CHST8: variants seen among roughly 807,000 people sequenced by gnomAD.
CHST8 encodes GALNAC-4-ST1.
Under a neutral mutation model 15.0 loss-of-function variants are expected in CHST8, and 10 were observed. The observed-to-expected ratio is 0.67, with a 90% CI of 0.41 to 1.13. CHST8 has a LOEUF of 1.13. CHST8 is among the 50% of genes most tolerant of loss of function. The pLI is 0.00. For synonymous variants in CHST8, 259 were observed against 256.6 expected (o/e 1.01, Z -0.09); for missense variants, 634 against 608.2 (o/e 1.04, Z -0.45).
intron 1 of CHST8, among the ~76,000 whole-genome samples, chr19:33,662,012 G>T (rs948323010): frequency 6.6e-6 from 1 of 152,048 alleles, no homozygotes; most frequent in Non-Finnish European, 1.5e-5. Flanking sequence ...CTCCAGCCTG[G>T]ACAACAGAGT....
In CHST8 at chr19:33,650,518, C is replaced by CTT. The variant is rs869057036; in HGVS notation, c.-163-17221_-163-17220dup. Among the ~76,000 whole-genome samples the CTT allele has an allele frequency of 7.2e-4, 26 of 36,106 alleles. 9 individuals carry two copies. The highest frequency in any genetic ancestry group is 3.1e-3 in the African/African-American group (24 of 7,708). The allele number at this position is 36,106 out of a possible 152,430, so 23.7% of individuals were successfully genotyped here. On this transcript the variant is annotated intron_variant, in intron 1 of 4. Coordinates refer to ENST00000650847, the MANE Select transcript of CHST8 (RefSeq NM_001127895.2). ...TTCTTTTTCTTTTTCTTTTTCTTTTCTTTTTTTTTTTTTTTTTTTTTTTTT... is the reference window on the plus strand; with the variant it reads ...TTCTTTTTCTTTTTCTTTTTCTTTTCTTTTTTTTTTTTTTTTTTTTTTTTTTT...
At chr19:33,759,345 T>G (rs1974669888) in intron 3 of CHST8, among the ~76,000 whole-genome samples, 1 of 152,200 alleles carries the variant, frequency 6.6e-6, no homozygotes, top group African/African-American at 2.4e-5. Flanking sequence ...GGCTGCAGAG[T>G]GGTCACCACG....
At chr19:33,634,291 G>A (rs1166436965) in intron 1 of CHST8, among the ~76,000 whole-genome samples, 1 of 152,084 alleles carries the variant, frequency 6.6e-6, no homozygotes, top group African/African-American at 2.4e-5. Flanking sequence ...ATCACACCGT[G>A]GTTTTAATTT....
chr19:33,770,312 G>A (rs11882976), intron 3 of CHST8, among the ~76,000 whole-genome samples: 5,344 of 152,286 alleles, frequency 0.035, 291 homozygotes, highest in African/African-American at 0.12. Flanking sequence ...ATGGTGCCCC[G>A]GCGCGCCAGC....
At chr19:33,730,998 A>T (rs1407827119) in intron 3 of CHST8, among the ~76,000 whole-genome samples, 2 of 152,232 alleles carry the variant, frequency 1.3e-5, no homozygotes, top group African/African-American at 4.8e-5. Context: ...TGCCTGCTTT[A>T]TTCTAGCCGT....
At chr19:33,622,378 G>C (rs1171516270) in intron 1 of CHST8, 82 bp downstream of exon 1, 1 of 152,026 alleles carries the variant, frequency 6.6e-6, no homozygotes, top group Non-Finnish European at 1.5e-5. Context: ...AAGGGGTCCC[G>C]AGCGGGCCCC....
chr19:33,662,278 C>A lies in CHST8; in HGVS notation c.-163-5489C>A, dbSNP rs567142818. On this transcript the variant is annotated intron_variant, in intron 1 of 4. Coordinates refer to ENST00000650847, the MANE Select transcript of CHST8 (RefSeq NM_001127895.2). ...TTTTTAGTAGACATGGTGTTTCACT[C>A]TGTTGCCCAGGCTGGTCTCAAACTC... 1.2e-3 allele frequency among the ~76,000 whole-genome samples: 188 copies of A among 152,204 alleles called. 1 individual carries two copies. The highest frequency in any genetic ancestry group is 2.5e-3 in the South Asian group (12 of 4,816).
chr19:33,686,881 G>A (rs193015720), intron 2 of CHST8, among the ~76,000 whole-genome samples: 6 of 152,334 alleles, frequency 3.9e-5, no homozygotes, highest in East Asian at 1.9e-4. Context: ...TTGAACCCGC[G>A]TCTGCTTAGG....
At chr19:33,627,836 G>A (rs541504963) in intron 1 of CHST8, among the ~76,000 whole-genome samples, 111 of 152,306 alleles carry the variant, frequency 7.3e-4, no homozygotes, top group African/African-American at 2.6e-3. Context: ...CTGTGGACAT[G>A]AGGTGAGCAA....
intron 3 of CHST8, among the ~76,000 whole-genome samples, chr19:33,716,103 C>T (rs1211705912): frequency 1.3e-5 from 2 of 152,210 alleles, no homozygotes; most frequent in Non-Finnish European, 2.9e-5. Flanking sequence ...CTTTCCATAT[C>T]GAGACGGATT....
rs111308825 is a variant in CHST8, at chr19:33,622,079, G to C, written c.-381G>C. 1 of 151,706 alleles carries C rather than the reference G, an allele frequency of 6.6e-6. No individual in the cohort carries two copies. Among genetic ancestry groups the C allele is most frequent in the Admixed American group, 6.6e-5 (1 of 15,222 alleles). The allele number at this position is 151,706 out of a possible 1,614,324, so 9.4% of individuals were successfully genotyped here. On this transcript the variant is annotated 5_prime_UTR_variant, in exon 1 of 5. Coordinates refer to ENST00000650847, the MANE Select transcript of CHST8 (RefSeq NM_001127895.2). ...GCGCCGGGGGCCGAAGAGGAACGCC[G>C]CCCCGCGCCCTCTCGCTCCCCGCAC...
At chr19:33,697,151 T>A (rs1973234462) in intron 3 of CHST8, among the ~76,000 whole-genome samples, 1 of 151,698 alleles carries the variant, frequency 6.6e-6, no homozygotes, top group Admixed American at 6.6e-5. Flanking sequence ...CCTGTGAGCC[T>A]TTTGAGAAAT....
At position 33,689,324 on chromosome 19, in the gene CHST8, A is replaced by T. The variant is rs376260633; in HGVS notation, c.63A>T (p.Gly21=). ...ACMFSSILLF[G]AAGLLLFISL... The stretch of plus-strand genomic sequence containing the variant: ...TGTTCTCTTCCATCCTGCTGTTCGG[A>T]GCTGCAGGCCTCCTCCTCTTCATCA... The change falls in exon 3 of 5, where the codon GGA becomes GGT. Residue 21 remains glycine, a synonymous_variant. Transcript: ENST00000650847. 17 of 1,609,500 alleles carry T rather than the reference A, an allele frequency of 1.1e-5. No individual in the cohort carries two copies. The highest frequency in any genetic ancestry group is 1.4e-5 in the Non-Finnish European group (17 of 1,178,684).
At chr19:33,724,959 T>TGC (rs1247352655) in intron 3 of CHST8, among the ~76,000 whole-genome samples, 1 of 152,132 alleles carries the variant, frequency 6.6e-6, no homozygotes, top group Non-Finnish European at 1.5e-5. Flanking sequence ...ACCCAGCAGA[T>TGC]GCTGGGGGTT....
At chr19:33,752,327 T>A (rs1297272479) in intron 3 of CHST8, among the ~76,000 whole-genome samples, 1 of 152,256 alleles carries the variant, frequency 6.6e-6, no homozygotes, top group Admixed American at 6.5e-5. Flanking sequence ...TCTGCCAAGA[T>A]GACACGTCTA....
rs536569426 is a variant in CHST8 at position 33,635,936 on chromosome 19, C to T, written c.-164+13640C>T. Among the ~76,000 whole-genome samples the T allele has an allele frequency of 3.3e-5, 5 of 151,966 alleles. No individual in the cohort carries two copies. In the South Asian group the frequency reaches 8.3e-4, roughly 25 times the overall value. ...AAATAGGGCAAAAATGAATCCATGG[C>T]GCACACATTGTTTATGCGATGTGGA... On this transcript the variant is annotated intron_variant, in intron 1 of 4. Transcript: ENST00000650847.
chr19:33,757,408 AAGAAAGAAAGAAAGAAAGAAAG>A (rs1974573430), intron 3 of CHST8, among the ~76,000 whole-genome samples: 1 of 5,828 alleles, frequency 1.7e-4, no homozygotes, highest in Admixed American at 2.0e-3. Context: ...GAAAGAAAGA[AAGAAAGAAAGAAAGAAAGAAAG>A]AAAGAAAGAA....
chr19:33,732,986 G>T (rs1974021129), intron 3 of CHST8, among the ~76,000 whole-genome samples: 1 of 152,088 alleles, frequency 6.6e-6, no homozygotes, highest in African/African-American at 2.4e-5. Flanking sequence ...TATGAATTGG[G>T]GTTTGATTAT....
At chr19:33,695,295 G>GCACTCACTGGGGCAGA (rs1973189134) in intron 3 of CHST8, among the ~76,000 whole-genome samples, 1 of 152,124 alleles carries the variant, frequency 6.6e-6, no homozygotes, top group Non-Finnish European at 1.5e-5. Flanking sequence ...CAATGTGCCA[G>GCACTCACTGGGGCAGA]CACTCACTGG....
Sources: allele counts gnomAD v4.1 joint callset (sites outside exome capture counted in the v4.1 genomes callset), GRCh38; gene constraint gnomAD v4.1.1; transcripts MANE v1.5; gene names NCBI Gene and HGNC (gene_info 2026-07-23, HGNC 2026-07-21).